The following LRRK2 variants were observed in gnomAD, a reference collection of about 807,000 sequenced individuals.
The protein encoded by LRRK2 is leucine-rich repeat serine/threonine-protein kinase 2.
Under a neutral mutation model 302.6 loss-of-function variants are expected in LRRK2, and 203 were observed. The observed-to-expected ratio is 0.67, with a 90% CI of 0.60 to 0.75. LRRK2 has a LOEUF of 0.75. Among genes scored for constraint, LRRK2 ranks in the 30% least tolerant of loss-of-function variants. LRRK2 has a pLI of 0.00. For synonymous variants in LRRK2, 1,066 were observed against 1,031.9 expected (o/e 1.03, Z -0.63); for missense variants, 2,830 against 2,951.0 (o/e 0.96, Z 0.95).
intron 44 of LRRK2, 114 bp downstream of exon 44, chr12:40,351,847 C>T (rs1280927320): frequency 9.2e-7 from 1 of 1,089,522 alleles, no homozygotes; most frequent in Non-Finnish European, 1.4e-6. Context: ...AATTAGCCTT[C>T]TGTTAGAACA....
Position 40,284,077 on chromosome 12 carries a change from C to T in LRRK2, c.2444C>T (p.Pro815Leu). 6.2e-7 allele frequency: 1 copy of T among 1,613,108 alleles called. No homozygotes were observed. The highest frequency in any genetic ancestry group is 8.5e-7 in the Non-Finnish European group (1 of 1,179,354). ...LGGFCIGKVEPSWLGPLFPDK... is the reference protein window; with the variant it reads ...LGGFCIGKVELSWLGPLFPDK... ...GGATTTTGTATAGGAAAAGTTGAAC[C>T]TTCTTGGCTTGGTCCTTTATTTCCA... Residue 815 changes from proline (P) to leucine (L), a missense_variant, in exon 19 of 51, where the codon CCT becomes CTT. Pro to Leu is a moderately conservative substitution (Grantham distance 98). This residue lies in a region of LRRK2 where 2,121 missense variants were observed against 2,148.0 expected (regional missense o/e 0.99). Coordinates refer to ENST00000298910, the MANE Select transcript of LRRK2 (RefSeq NM_198578.4).
intron 8 of LRRK2, 59 bp from the exon 9 acceptor site, chr12:40,251,173 C>A: frequency 8.4e-7 from 1 of 1,187,944 alleles, no homozygotes; most frequent in Non-Finnish European, 1.2e-6. Context: ...TAGAGTTGGT[C>A]AAACTGTTAA....
intron 14 of LRRK2, among the ~76,000 whole-genome samples, chr12:40,273,770 G>A (rs1246012424): frequency 1.3e-5 from 2 of 152,168 alleles, no homozygotes; most frequent in Non-Finnish European, 2.9e-5. Flanking sequence ...CAAGGTAGAT[G>A]TTTGGAGTGT....
At chr12:40,235,117 A>G (rs1329402222) in intron 3 of LRRK2, among the ~76,000 whole-genome samples, 1 of 152,194 alleles carries the variant, frequency 6.6e-6, no homozygotes, top group South Asian at 2.1e-4. Flanking sequence ...ATTCACCACA[A>G]TCAAGCTAAT....
Position 40,305,938 on chromosome 12 carries a change from A to G in LRRK2, c.3931A>G (p.Ile1311Val), listed in dbSNP as rs753307676. The G allele has an allele frequency of 1.3e-5, 21 of 1,611,496 alleles. No individual in the cohort carries two copies. The Middle Eastern group carries it at 1.3e-3, about 101-fold the overall frequency. ...GCATCTTAACTTTGATTTTAAACAT[A>G]TAGGATGTAAAGCCAAAGACATCAT... is the stretch of plus-strand genomic sequence containing the variant. ...ELHLNFDFKH[I>V]GCKAKDIIRF... Residue 1311 changes from isoleucine to valine, a missense_variant, in exon 28 of 51, where the codon ATA (isoleucine) becomes GTA (valine). Physicochemically the swap from Ile to Val is conservative, Grantham distance 29. Coordinates refer to ENST00000298910, the MANE Select transcript of LRRK2 (RefSeq NM_198578.4).
chr12:40,366,185 T>A (rs576100843), intron 49 of LRRK2: 1 of 152,024 alleles, frequency 6.6e-6, no homozygotes, highest in Admixed American at 6.6e-5. Context: ...TAGATGAACA[T>A]CCAGTTCTTC....
chr12:40,355,255 G>A (rs1425901166), intron 45 of LRRK2, among the ~76,000 whole-genome samples: 1 of 152,146 alleles, frequency 6.6e-6, no homozygotes, highest in African/African-American at 2.4e-5. Flanking sequence ...ATGGAATTGG[G>A]CAAGGACGAC....
intron 41 of LRRK2, among the ~76,000 whole-genome samples, chr12:40,345,025 T>C (rs1946151147): frequency 6.6e-6 from 1 of 152,196 alleles, no homozygotes; most frequent in Non-Finnish European, 1.5e-5. Flanking sequence ...TGAGGACTGC[T>C]GAGCTCCATC....
Position 40,309,045 on chromosome 12 carries a change from A to T in LRRK2, c.4190-61A>T, listed in dbSNP as rs542283859. ...TATTATTCTCCCAGATTTTTTTTTA[A>T]AAAAGGATTCTTGCCTGTCGTTTGA... On this transcript the variant is annotated intron_variant, in intron 29 of 50. Transcript: ENST00000298910. 5.3e-4 allele frequency: 822 copies of T among 1,560,474 alleles called. 1 individual carries two copies. The highest frequency in any genetic ancestry group is 8.2e-4 in the South Asian group (71 of 86,588).
chr12:40,303,923 A>T (rs754762892), intron 26 of LRRK2, 25 bp from the exon 27 acceptor site: 1 of 1,609,704 alleles, frequency 6.2e-7, no homozygotes, highest in East Asian at 2.2e-5. Context: ...CATTTGGTTT[A>T]TGTCTTTTCT....
intron 11 of LRRK2, 70 bp from the exon 12 acceptor site, chr12:40,257,178 T>C: frequency 8.6e-7 from 1 of 1,168,862 alleles, no homozygotes; most frequent in Middle Eastern, 2.6e-4. Flanking sequence ...TATATTAATA[T>C]TCTAAAGCTT....
chr12:40,318,047 T>C (rs910556182), intron 33 of LRRK2, among the ~76,000 whole-genome samples: 1 of 152,032 alleles, frequency 6.6e-6, no homozygotes, highest in Non-Finnish European at 1.5e-5. Flanking sequence ...TATGGCTAAG[T>C]TGGGCTTCCT....
intron 43 of LRRK2, among the ~76,000 whole-genome samples, chr12:40,348,830 C>G (rs2136983483): frequency 6.6e-6 from 1 of 152,032 alleles, no homozygotes; most frequent in Middle Eastern, 3.4e-3. Flanking sequence ...CTAATCCTTT[C>G]TTGGTTTTAT....
chr12:40,313,691 T>G (rs1221795561), intron 31 of LRRK2, among the ~76,000 whole-genome samples: 1 of 151,958 alleles, frequency 6.6e-6, no homozygotes, highest in East Asian at 1.9e-4. Flanking sequence ...TATCTTGTTT[T>G]TTTTTCCATG....
chr12:40,310,272 G>C (rs1161524034), intron 30 of LRRK2, among the ~76,000 whole-genome samples, 159 bp from the exon 31 acceptor site: 1 of 151,604 alleles, frequency 6.6e-6, no homozygotes. Context: ...TTTTTTCTTA[G>C]GTTTAAGGAA....
In LRRK2 at chr12:40,274,709, A is replaced by G. The variant is rs1943375669; in HGVS notation, c.1783A>G (p.Met595Val). 6.2e-7 allele frequency: 1 copy of G among 1,614,074 alleles called. No individual in the cohort carries two copies. Among genetic ancestry groups the G allele is most frequent in the Non-Finnish European group, 8.5e-7 (1 of 1,179,954 alleles). ...GGATTCAGTGCTTCACACACTGCAG[A>G]TGTATCCAGATGACCAAGGTCAGTA... ...AMDSVLHTLQ[M>V]YPDDQEIQCL... Residue 595 changes from methionine (M) to valine (V), a missense_variant, in exon 15 of 51, where the codon ATG becomes GTG. Physicochemically the swap from Met to Val is conservative, Grantham distance 21. Around this residue, in one of 3 missense-constraint regions of LRRK2, gnomAD observed 2,121 missense variants for 2,148.0 expected, o/e 0.99. Transcript: ENST00000298910.
intron 33 of LRRK2, chr12:40,316,466 C>T (rs1200391745): frequency 4.8e-6 from 2 of 418,130 alleles, no homozygotes; most frequent in African/African-American, 4.3e-5. Context: ...TGTGATTTTA[C>T]TCAATTATTA....
At chr12:40,301,345 AC>A (rs1356358391) in intron 25 of LRRK2, among the ~76,000 whole-genome samples, 2 of 152,120 alleles carry the variant, frequency 1.3e-5, no homozygotes, top group African/African-American at 4.8e-5. Context: ...AATCGCTTGA[AC>A]CAGGGAGTCA....
chr12:40,320,543 A>T (rs530358685), intron 34 of LRRK2, among the ~76,000 whole-genome samples: 1 of 152,132 alleles, frequency 6.6e-6, no homozygotes, highest in South Asian at 2.1e-4. Context: ...TGAGTTTTCA[A>T]CAGAATTTTA....
Sources: gnomAD v4.1 joint callset for allele counts (sites outside exome capture counted in the v4.1 genomes callset) on GRCh38, gnomAD v4.1.1 for gene constraint, gnomAD v4.1.1 regional missense constraint, MANE v1.5 for transcripts, NCBI Gene and HGNC (gene_info 2026-07-23, HGNC 2026-07-21) for gene names.